The following XNDC1N variants were observed in gnomAD, a reference collection of about 807,000 sequenced individuals.
XNDC1N encodes the protein protein XNDC1N.
chr11:71,904,629 C>G, the XNDC1N span, among the ~76,000 whole-genome samples: 1 of 152,070 alleles, frequency 6.6e-6, no homozygotes, highest in Non-Finnish European at 1.5e-5. Flanking sequence ...ACAAGGTGCA[C>G]AGCTTCTGTG....
the XNDC1N span, among the ~76,000 whole-genome samples, chr11:71,901,936 G>A: frequency 2.6e-5 from 4 of 151,966 alleles, no homozygotes; most frequent in Non-Finnish European, 5.9e-5. Context: ...ACAATTCAAC[G>A]GAAATATCCC....
chr11:71,883,414 T>C, the XNDC1N span, among the ~76,000 whole-genome samples: 1 of 152,054 alleles, frequency 6.6e-6, no homozygotes, highest in Admixed American at 6.6e-5. Context: ...TGGAAGAGAA[T>C]AGAGGGCCAA....
the XNDC1N span, among the ~76,000 whole-genome samples, chr11:71,909,027 G>A: frequency 9.2e-5 from 14 of 152,252 alleles, no homozygotes; most frequent in South Asian, 4.1e-4. Flanking sequence ...AGAAAGTCCA[G>A]CACAATTCTA....
At chr11:71,902,454 G>T in the XNDC1N span, among the ~76,000 whole-genome samples, 1 of 152,216 alleles carries the variant, frequency 6.6e-6, no homozygotes, top group Non-Finnish European at 1.5e-5. Context: ...GCCTCCCAAA[G>T]TGTTGGGATT....
chr11:71,904,371 G>T, the XNDC1N span, among the ~76,000 whole-genome samples: 5 of 152,070 alleles, frequency 3.3e-5, no homozygotes, highest in African/African-American at 1.2e-4. Context: ...GATATGAGGA[G>T]TCATATTTTC....
At chr11:71,890,643 C>T in the XNDC1N span, among the ~76,000 whole-genome samples, 7 of 152,014 alleles carry the variant, frequency 4.6e-5, no homozygotes, top group Admixed American at 1.3e-4. Flanking sequence ...ATGATTTTCT[C>T]TCCCCCTGGA....
chr11:71,882,110 G>A, the XNDC1N span, among the ~76,000 whole-genome samples: 1 of 151,404 alleles, frequency 6.6e-6, no homozygotes, highest in East Asian at 1.9e-4. Context: ...GAAGCCAGGA[G>A]GGGAAAAAAT....
chr11:71,890,359 T>A, the XNDC1N span, among the ~76,000 whole-genome samples: 1 of 152,104 alleles, frequency 6.6e-6, no homozygotes, highest in African/African-American at 2.4e-5. Flanking sequence ...TCCCTGGATA[T>A]GACGAACAAT....
chr11:71,879,393 T>A, the XNDC1N span, among the ~76,000 whole-genome samples: 10 of 152,206 alleles, frequency 6.6e-5, no homozygotes, highest in Non-Finnish European at 1.0e-4. Context: ...AATTTTAAAA[T>A]TCATCAATAC....
the XNDC1N span, among the ~76,000 whole-genome samples, chr11:71,911,408 G>T: frequency 2.0e-5 from 3 of 152,282 alleles, no homozygotes; most frequent in African/African-American, 7.2e-5. Flanking sequence ...CCTGACCTCC[G>T]GGACCAGCCT....
At chr11:71,880,325 C>G in the XNDC1N span, among the ~76,000 whole-genome samples, 3 of 152,114 alleles carry the variant, frequency 2.0e-5, no homozygotes, top group South Asian at 4.1e-4. Flanking sequence ...ATAACAGACT[C>G]TAATGATCCA....
chr11:71,907,599 A>C, the XNDC1N span, among the ~76,000 whole-genome samples: 1,196 of 152,136 alleles, frequency 7.9e-3, 5 homozygotes, highest in African/African-American at 0.017. Flanking sequence ...TATTGGGAGT[A>C]ATATCATCCT....
At chr11:71,922,789 G>T in the XNDC1N span, among the ~76,000 whole-genome samples, 2 of 152,134 alleles carry the variant, frequency 1.3e-5, no homozygotes, top group African/African-American at 2.4e-5. Flanking sequence ...GGTGGAGTAG[G>T]AGTAAATAGA....
the XNDC1N span, among the ~76,000 whole-genome samples, chr11:71,880,126 A>T: frequency 2.0e-5 from 3 of 152,118 alleles, no homozygotes; most frequent in Non-Finnish European, 4.4e-5. Flanking sequence ...ATGTGCTCTG[A>T]GGTAACATGT....
the XNDC1N span, among the ~76,000 whole-genome samples, chr11:71,914,796 G>T: frequency 1.3e-5 from 2 of 152,188 alleles, no homozygotes; most frequent in African/African-American, 4.8e-5. Context: ...ATGAGGAGTT[G>T]CTTCTTATAG....
the XNDC1N span, among the ~76,000 whole-genome samples, chr11:71,885,572 G>A: frequency 2.0e-5 from 3 of 152,088 alleles, no homozygotes; most frequent in Non-Finnish European, 4.4e-5. Flanking sequence ...CCGGCTGAGT[G>A]TACACCTACT....
At chr11:71,868,795 T>C in the XNDC1N span, among the ~76,000 whole-genome samples, 1 of 152,326 alleles carries the variant, frequency 6.6e-6, no homozygotes, top group East Asian at 1.9e-4. Context: ...GCAGGGGTTC[T>C]CTGCATTTCC....
At chr11:71,886,827 C>T in the XNDC1N span, among the ~76,000 whole-genome samples, 2 of 152,082 alleles carry the variant, frequency 1.3e-5, no homozygotes, top group African/African-American at 4.8e-5. Flanking sequence ...TCAGGCCCGG[C>T]GATATGCCGA....
At chr11:71,928,496 G>A in the XNDC1N span, 1 of 702,594 alleles carries the variant, frequency 1.4e-6, no homozygotes, top group Non-Finnish European at 2.6e-6. Context: ...CCGTAGCACA[G>A]GAATGCGTTC....
Sources: allele counts gnomAD v4.1 joint callset (sites outside exome capture counted in the v4.1 genomes callset), GRCh38; gene constraint gnomAD v4.1.1; transcripts MANE v1.5; gene names NCBI Gene and HGNC (gene_info 2026-07-23, HGNC 2026-07-21).